The following ME3 variants were observed in gnomAD, a reference collection of about 807,000 sequenced individuals.
ME3 encodes the protein NADP-dependent malic enzyme, mitochondrial.
In ME3, 48 loss-of-function variants were observed where a neutral mutation model predicts 68.9. The observed-to-expected ratio is 0.70, with a 90% confidence interval of 0.55 to 0.89. The LOEUF (loss-of-function observed/expected upper bound fraction) is 0.89, where lower values mean the gene tolerates loss of function less well. Among genes scored for constraint, ME3 ranks in the 40% least tolerant of loss-of-function variants. The probability of loss-of-function intolerance (pLI) is 0.00; values close to 1 mark genes in which losing one functional copy is unlikely to be tolerated. For missense variants in ME3, 675 were observed against 797.4 expected (o/e 0.85, Z 1.85); for synonymous variants, 320 against 318.8 (o/e 1.00, Z -0.04).
intron 7 of ME3, among the ~76,000 whole-genome samples, chr11:86,474,314 C>T (rs745810963): frequency 3.9e-5 from 6 of 152,220 alleles, no homozygotes; most frequent in Admixed American, 6.5e-5. Context: ...ACAGCTCTGA[C>T]GGCAAGTCTT....
chr11:86,643,867 C>G (rs1355571992), intron 2 of ME3, among the ~76,000 whole-genome samples: 2 of 152,118 alleles, frequency 1.3e-5, no homozygotes, highest in Non-Finnish European at 2.9e-5. Context: ...ATGTCCCTTA[C>G]TATCTGGAAG....
At chr11:86,493,070 G>T (rs569871416) in intron 6 of ME3, among the ~76,000 whole-genome samples, 1 of 152,174 alleles carries the variant, frequency 6.6e-6, no homozygotes, top group African/African-American at 2.4e-5. Context: ...TGGGTTACAC[G>T]TGTGTAGAGA....
At chr11:86,446,863 A>T in intron 12 of ME3, 1 of 686,248 alleles carries the variant, frequency 1.5e-6, no homozygotes, top group Non-Finnish European at 2.4e-6. Context: ...CAAATGTAAG[A>T]ACTTGGGCTT....
intron 8 of ME3, among the ~76,000 whole-genome samples, chr11:86,455,932 C>G (rs552346233): frequency 6.6e-6 from 1 of 152,192 alleles, no homozygotes; most frequent in Admixed American, 6.5e-5. Flanking sequence ...ATTGTATGAC[C>G]CTCTTCTGAA....
At chr11:86,489,167 A>G (rs1213044798) in intron 6 of ME3, 2 of 152,196 alleles carry the variant, frequency 1.3e-5, no homozygotes, top group Non-Finnish European at 1.5e-5. Context: ...CTTCATCTCC[A>G]TCTGAACTGC....
chr11:86,595,109 G>A (rs534809703), intron 2 of ME3, among the ~76,000 whole-genome samples: 1 of 144,544 alleles, frequency 6.9e-6, no homozygotes, highest in African/African-American at 2.6e-5. Context: ...AGGATGTTGA[G>A]GACTTTGACA....
chr11:86,550,429 C>T (rs1956607697), intron 4 of ME3, among the ~76,000 whole-genome samples: 1 of 152,162 alleles, frequency 6.6e-6, no homozygotes, highest in Non-Finnish European at 1.5e-5. Context: ...GAACCCAGAT[C>T]TCCTGACTCC....
rs576117504 is a variant in ME3, at chr11:86,606,338, T to C, written c.184-46515A>G. Among the ~76,000 whole-genome samples, 40 of 152,130 alleles carry C rather than the reference T, an allele frequency of 2.6e-4. No individual in the cohort carries two copies. In the East Asian group the frequency reaches 7.4e-3, roughly 28 times the overall value. The stretch of plus-strand genomic sequence containing the variant: ...TTTGCCATACTGTGCTGAGCTGCAG[T>C]TGGGGAAATATCTCAGGGACGTGCC... On this transcript the variant is annotated intron_variant, in intron 2 of 14. Coordinates refer to ENST00000543262, the Ensembl canonical transcript of ME3.
downstream of ME3, among the ~76,000 whole-genome samples, chr11:86,440,079 G>A (rs1452418746): frequency 3.9e-5 from 6 of 152,188 alleles, no homozygotes; most frequent in Non-Finnish European, 8.8e-5. Flanking sequence ...AAGTCTAATA[G>A]TCCATCTAGC....
chr11:86,664,446 G>A (rs1946469164), intron 2 of ME3, among the ~76,000 whole-genome samples: 2 of 152,268 alleles, frequency 1.3e-5, no homozygotes, highest in South Asian at 2.1e-4. Context: ...TTTCCTTGGA[G>A]GATGATTCAA....
chr11:86,586,320 G>A (rs1958731197), intron 2 of ME3, among the ~76,000 whole-genome samples: 1 of 152,170 alleles, frequency 6.6e-6, no homozygotes. Context: ...AATGTGAAGT[G>A]GAGAACTGAG....
At chr11:86,621,861 GA>G (rs1943370785) in intron 2 of ME3, among the ~76,000 whole-genome samples, 1 of 152,002 alleles carries the variant, frequency 6.6e-6, no homozygotes, top group African/African-American at 2.4e-5. Flanking sequence ...TTATATAAAT[GA>G]AAATGAACCC....
At chr11:86,607,833 G>T (rs529538124) in intron 2 of ME3, among the ~76,000 whole-genome samples, 1 of 151,810 alleles carries the variant, frequency 6.6e-6, no homozygotes, top group African/African-American at 2.4e-5. Context: ...CCTACTCCCC[G>T]TTCGACATGA....
At chr11:86,650,770 C>T (rs964150279) in intron 2 of ME3, among the ~76,000 whole-genome samples, 2 of 152,102 alleles carry the variant, frequency 1.3e-5, no homozygotes, top group East Asian at 1.9e-4. Context: ...TGCAGCACAC[C>T]GAGCGTGAGC....
intron 8 of ME3, chr11:86,457,766 A>G (rs998217781): frequency 1.6e-6 from 2 of 1,268,614 alleles, no homozygotes; most frequent in Admixed American, 2.5e-5. Context: ...GTTCCTATTC[A>G]TGGTAAAAGA....
At chr11:86,665,188 C>G (rs912491459) in intron 2 of ME3, among the ~76,000 whole-genome samples, 1 of 152,126 alleles carries the variant, frequency 6.6e-6, no homozygotes, top group Admixed American at 6.5e-5. Context: ...AAAGTCCCTG[C>G]CTAAGTGGAT....
At chr11:86,601,203 T>C (rs1960589018) in intron 2 of ME3, among the ~76,000 whole-genome samples, 1 of 151,558 alleles carries the variant, frequency 6.6e-6, no homozygotes, top group African/African-American at 2.4e-5. Flanking sequence ...GATAGACTGC[T>C]AGCAAGACTA....
At chr11:86,651,842 C>T (rs565843139) in intron 2 of ME3, among the ~76,000 whole-genome samples, 1 of 152,124 alleles carries the variant, frequency 6.6e-6, no homozygotes. Context: ...AGTTAAAAAC[C>T]TTGAAAAAAG....
chr11:86,497,050 C>T (rs566840424), intron 6 of ME3, among the ~76,000 whole-genome samples: 1 of 151,644 alleles, frequency 6.6e-6, no homozygotes, highest in South Asian at 2.1e-4. Context: ...GGTGTGATCT[C>T]GGCTCACTGC....
Sources: allele counts gnomAD v4.1 joint callset (sites outside exome capture counted in the v4.1 genomes callset), GRCh38; gene constraint gnomAD v4.1.1; transcripts MANE v1.5; gene names NCBI Gene and HGNC (gene_info 2026-07-23, HGNC 2026-07-21).